Variants in EPC2 observed in about 807,000 individuals in gnomAD.
EPC2 encodes the protein enhancer of polycomb homolog 2.
In EPC2, 14 loss-of-function variants were observed where a neutral mutation model predicts 92.1. The observed-to-expected ratio is 0.15, with a 90% CI of 0.10 to 0.24. The LOEUF is 0.24. Among genes scored for constraint, EPC2 ranks in the 10% least tolerant of loss-of-function variants. EPC2 has a pLI of 1.00. For missense variants in EPC2, 755 were observed against 971.5 expected (o/e 0.78, Z 2.96); for synonymous variants, 340 against 334.7 (o/e 1.02, Z -0.17).
At chr2:148,778,662 TAGAA>T (rs145852043) in intron 10 of EPC2, among the ~76,000 whole-genome samples, 3 of 152,166 alleles carry the variant, frequency 2.0e-5, no homozygotes, top group South Asian at 2.1e-4. Context: ...ATAAAGGAGT[TAGAA>T]AGGATGTTTT....
At chr2:148,734,901 T>C (rs1046891017) in intron 2 of EPC2, among the ~76,000 whole-genome samples, 2 of 151,960 alleles carry the variant, frequency 1.3e-5, no homozygotes, top group African/African-American at 4.8e-5. Context: ...TATAATTTCA[T>C]GTTCTACAGT....
At chr2:148,750,489 C>T (rs1428465273) in intron 3 of EPC2, among the ~76,000 whole-genome samples, 1 of 151,930 alleles carries the variant, frequency 6.6e-6, no homozygotes, top group African/African-American at 2.4e-5. Flanking sequence ...AAGACTTCTT[C>T]CATTTTCTGG....
Position 148,663,632 on chromosome 2 carries a change from A to G in EPC2, c.153+18462A>G, listed in dbSNP as rs943672713. On this transcript the variant is annotated intron_variant, in intron 1 of 13. Coordinates refer to ENST00000258484, the MANE Select transcript of EPC2 (RefSeq NM_015630.4). Reference sequence around the variant, plus strand: ...TTTTTTTTTTTTTTGGTAAGAATCTATCTTACCACTGAAGCCTGGATCATC... The same window carrying G: ...TTTTTTTTTTTTTTGGTAAGAATCTGTCTTACCACTGAAGCCTGGATCATC... Among the ~76,000 whole-genome samples the G allele has an allele frequency of 1.3e-3, 127 of 99,190 alleles. 1 individual carries two copies. Among genetic ancestry groups the G allele is most frequent in the African/African-American group, 5.3e-3 (123 of 23,392 alleles). 65.1% of individuals were successfully genotyped at this position (99,190 alleles called of 152,430 possible). A position where few individuals can be genotyped will look rare whatever the true frequency, so the allele number is the denominator to read the frequency against.
chr2:148,714,709 C>T (rs1682221780), intron 2 of EPC2, among the ~76,000 whole-genome samples: 1 of 152,178 alleles, frequency 6.6e-6, no homozygotes, highest in African/African-American at 2.4e-5. Context: ...TGAATGTCTT[C>T]TTTGGAGAAG....
intron 1 of EPC2, among the ~76,000 whole-genome samples, chr2:148,672,881 G>A (rs1371917262): frequency 6.6e-6 from 1 of 152,144 alleles, no homozygotes. Flanking sequence ...GGAAGGGTCA[G>A]TAGCGATGAA....
chr2:148,645,184 T>C lies in EPC2; in HGVS notation c.153+14T>C. The C allele has an allele frequency of 6.3e-7, 1 of 1,587,106 alleles. No homozygotes were observed. Among genetic ancestry groups the C allele is most frequent in the Non-Finnish European group, 8.6e-7 (1 of 1,166,670 alleles). ...GAGGAGGAATCGGTAGGGACTCGAGTGTTTATTACCCCCCCTTCCCTCCTC... is the reference window on the plus strand; with the variant it reads ...GAGGAGGAATCGGTAGGGACTCGAGCGTTTATTACCCCCCCTTCCCTCCTC... On this transcript the variant is annotated intron_variant, in intron 1 of 13. Transcript: ENST00000258484.
intron 1 of EPC2, among the ~76,000 whole-genome samples, chr2:148,676,448 T>TTA (rs1216839613): frequency 6.6e-6 from 1 of 152,072 alleles, no homozygotes; most frequent in Non-Finnish European, 1.5e-5. Flanking sequence ...AAACTTTATT[T>TTA]TATAACATTA....
chr2:148,688,288 T>C (rs1355250679), intron 1 of EPC2, among the ~76,000 whole-genome samples: 1 of 152,144 alleles, frequency 6.6e-6, no homozygotes. Flanking sequence ...GAAACCATCA[T>C]TCTCAGCAAA....
At position 148,764,946 on chromosome 2, in the gene EPC2, T is replaced by C; in HGVS notation, c.949-9T>C. ...CTTCCTTTTGGGGGAAAAATCGTCA[T>C]GTAAACAGCACCCTCATCATTTGTC... On this transcript the variant is annotated splice_polypyrimidine_tract_variant and intron_variant, in intron 6 of 13. Coordinates refer to ENST00000258484, the MANE Select transcript of EPC2 (RefSeq NM_015630.4). 6.8e-7 allele frequency: 1 copy of C among 1,468,088 alleles called. No homozygotes were observed. Among genetic ancestry groups the C allele is most frequent in the Non-Finnish European group, 9.1e-7 (1 of 1,104,876 alleles). The allele number at this position is 1,468,088 out of a possible 1,614,324, so 90.9% of individuals were successfully genotyped here. A position where few individuals can be genotyped will look rare whatever the true frequency, so the allele number is the denominator to read the frequency against.
At chr2:148,674,475 C>G (rs1681224119) in intron 1 of EPC2, among the ~76,000 whole-genome samples, 1 of 152,212 alleles carries the variant, frequency 6.6e-6, no homozygotes, top group African/African-American at 2.4e-5. Flanking sequence ...GAACTGGACA[C>G]TTTTGCCTCA....
chr2:148,765,953 G>T (rs934593291), intron 7 of EPC2, among the ~76,000 whole-genome samples: 2 of 152,100 alleles, frequency 1.3e-5, no homozygotes, highest in East Asian at 3.9e-4. Context: ...GGAGAATGGC[G>T]TGCACCTGGG....
chr2:148,648,341 A>G (rs1337227928), intron 1 of EPC2, among the ~76,000 whole-genome samples: 2 of 152,226 alleles, frequency 1.3e-5, no homozygotes, highest in Non-Finnish European at 2.9e-5. Flanking sequence ...ATTAAACAGA[A>G]TTATGTATTT....
intron 2 of EPC2, among the ~76,000 whole-genome samples, chr2:148,732,709 G>A (rs1405855870): frequency 6.6e-6 from 1 of 151,912 alleles, no homozygotes; most frequent in Non-Finnish European, 1.5e-5. Flanking sequence ...TATCCCTTGA[G>A]GTAGTAGCCA....
chr2:148,781,653 G>T lies in EPC2; in HGVS notation c.1730G>T (p.Gly577Val), dbSNP rs140443408. ...TSKNGISVTG[G>V]ITEEQFQTHQ... ...TCATGTTCTTTACCAGTAACAGGGG[G>T]TATCACAGAAGAGCAGTTTCAGACA... Residue 577 changes from glycine to valine, a missense_variant, in exon 11 of 14, where the codon GGT (glycine) becomes GTT (valine). Around this residue, in one of 4 missense-constraint regions of EPC2, gnomAD observed 509 missense variants for 607.7 expected, o/e 0.84. Transcript: ENST00000258484. 1 of 1,612,650 alleles carries T rather than the reference G, an allele frequency of 6.2e-7. No individual in the cohort carries two copies. Among genetic ancestry groups the T allele is most frequent in the African/African-American group, 1.3e-5 (1 of 74,972 alleles).
intron 2 of EPC2, chr2:148,692,158 G>T: frequency 4.5e-6 from 1 of 223,454 alleles, no homozygotes; most frequent in Non-Finnish European, 8.9e-6. Context: ...ACATTTCCTT[G>T]GATGTGCTAT....
At chr2:148,781,453 A>G (rs926051008) in intron 10 of EPC2, among the ~76,000 whole-genome samples, 191 bp from the exon 11 acceptor site, 2 of 152,330 alleles carry the variant, frequency 1.3e-5, no homozygotes, top group Middle Eastern at 3.4e-3. Context: ...TGTGATGGAG[A>G]TTATAAATAC....
chr2:148,690,953 G>A (rs1396635837), intron 2 of EPC2, among the ~76,000 whole-genome samples: 1 of 152,158 alleles, frequency 6.6e-6, no homozygotes, highest in Non-Finnish European at 1.5e-5. Context: ...GTGAGCTACC[G>A]CGCCCACCTG....
At chr2:148,715,168 G>T (rs1682232816) in intron 2 of EPC2, among the ~76,000 whole-genome samples, 1 of 151,690 alleles carries the variant, frequency 6.6e-6, no homozygotes, top group Non-Finnish European at 1.5e-5. Context: ...TGAGTAGCTG[G>T]GACTACAGGC....
At position 148,754,055 on chromosome 2, in the gene EPC2, A is replaced by G. The variant is rs752324121; in HGVS notation, c.588A>G (p.Gln196=). ...RGPSLIPQIK[Q]EKRDGSTNND... is the part of the protein sequence containing the mutation. ...CATCCCTCATTCCTCAGATAAAACA[A>G]GAGAAAAGAGATGGCTCTACCAACA... Residue 196 remains glutamine (Q), a synonymous_variant, in exon 4 of 14, where the codon CAA becomes CAG. Transcript: ENST00000258484. 1.9e-6 allele frequency: 3 copies of G among 1,611,466 alleles called. No homozygotes were observed. The highest frequency in any genetic ancestry group is 4.5e-5 in the East Asian group (2 of 44,842).
Sources: allele counts gnomAD v4.1 joint callset (sites outside exome capture counted in the v4.1 genomes callset), GRCh38; gene constraint gnomAD v4.1.1; regional missense constraint gnomAD v4.1.1; transcripts MANE v1.5; gene names NCBI Gene and HGNC (gene_info 2026-07-23, HGNC 2026-07-21).